Variants in CASK observed in about 807,000 individuals in gnomAD.
CASK encodes peripheral plasma membrane protein CASK.
A neutral mutation model predicts 82.9 loss-of-function variants in CASK; 4 were observed. The observed-to-expected ratio is 0.05, with a 90% CI of 0.02 to 0.11. The LOEUF is 0.11. Ranked by LOEUF, CASK falls within the 10% of genes least tolerant of loss-of-function variation. The pLI, the probability that CASK is intolerant of heterozygous loss-of-function variation, is 1.00. For missense variants in CASK, 358 were observed against 720.9 expected, an observed-to-expected ratio of 0.50 and a Z score of 5.76; for synonymous variants, 259 against 253.5, an observed-to-expected ratio of 1.02 and a Z score of -0.20.
intron 11 of CASK, among the ~76,000 whole-genome samples, chrX:41,614,522 ATTT>A (rs200039747): frequency 1.0e-5 from 1 of 98,351 alleles, no homozygotes; most frequent in Non-Finnish European, 2.1e-5. Context: ...ACTATGGATA[ATTT>A]TTTTTTTTTT....
intron 5 of CASK, among the ~76,000 whole-genome samples, chrX:41,720,923 G>C (rs1170663514): frequency 9.0e-6 from 1 of 111,563 alleles, no homozygotes; most frequent in Admixed American, 9.6e-5. Context: ...ATGAATTTTG[G>C]GGCCAGATTA....
intron 8 of CASK, among the ~76,000 whole-genome samples, chrX:41,643,386 T>TGATTCTTCCTATCC (rs2147394777): frequency 8.9e-6 from 1 of 111,893 alleles, no homozygotes. Context: ...TTCATGATAT[T>TGATTCTTCCTATCC]GATTCTTCCT....
At chrX:41,755,004 G>A (rs754272049) in intron 3 of CASK, among the ~76,000 whole-genome samples, 3 of 107,941 alleles carry the variant, frequency 2.8e-5, no homozygotes, top group East Asian at 5.9e-4. Flanking sequence ...TCAGCCTCCT[G>A]AATAGCTGGG....
At chrX:41,672,332 T>G (rs937246866) in intron 5 of CASK, among the ~76,000 whole-genome samples, 10 of 110,827 alleles carry the variant, frequency 9.0e-5, no homozygotes, top group Non-Finnish European at 1.5e-4. Flanking sequence ...TGCATCTATT[T>G]CTTACTGGGA....
chrX:41,720,094 T>C (rs1439228523), intron 5 of CASK, among the ~76,000 whole-genome samples: 2 of 113,482 alleles, frequency 1.8e-5, no homozygotes, highest in African/African-American at 6.4e-5. Flanking sequence ...CAAAAGCTGA[T>C]AACTTTTCTG....
intron 5 of CASK, among the ~76,000 whole-genome samples, chrX:41,714,025 T>C: frequency 8.9e-6 from 1 of 111,852 alleles, no homozygotes; most frequent in Middle Eastern, 4.6e-3. Context: ...GGCAGGTTAA[T>C]CAAGACAAAG....
rs961783740 is a variant in CASK, at chrX:41,519,734, G to A, written c.*686C>T. The A allele has an allele frequency of 4.6e-5, 5 of 109,850 alleles. No homozygotes were observed. Among genetic ancestry groups the A allele is most frequent in the African/African-American group, 1.7e-4 (5 of 30,080 alleles). The allele number at this position is 109,850 out of a possible 1,213,427, so 9.1% of individuals were successfully genotyped here. ...TTGTTTTGTCCAACACAGACACACC[G>A]ACAGCATAAACGCTCGCGACTGTCC... On this transcript the variant is annotated 3_prime_UTR_variant, in exon 27 of 27. Coordinates refer to ENST00000378163, the MANE Select transcript of CASK (RefSeq NM_001367721.1).
intron 21 of CASK, among the ~76,000 whole-genome samples, chrX:41,548,297 A>G (rs983622327): frequency 9.0e-6 from 1 of 111,117 alleles, no homozygotes; most frequent in Non-Finnish European, 1.9e-5. Context: ...TTATCTTTTT[A>G]ATATATTACT....
At chrX:41,763,886 T>C (rs1369949329) in intron 3 of CASK, among the ~76,000 whole-genome samples, 1 of 111,643 alleles carries the variant, frequency 9.0e-6, no homozygotes, top group African/African-American at 3.3e-5. Context: ...ATCTCACAGA[T>C]AATAGGCATA....
At chrX:41,796,773 C>G (rs779748061) in intron 2 of CASK, among the ~76,000 whole-genome samples, 1 of 111,700 alleles carries the variant, frequency 9.0e-6, no homozygotes, top group African/African-American at 3.2e-5. Flanking sequence ...CAAAACCTGT[C>G]CATTCTATTT....
At chrX:41,741,629 A>G (rs2068599290) in intron 4 of CASK, among the ~76,000 whole-genome samples, 2 of 112,053 alleles carry the variant, frequency 1.8e-5, no homozygotes, top group Admixed American at 9.5e-5. Context: ...ACCCAAACGT[A>G]TGTACACAGC....
At chrX:41,592,996 C>T (rs17146071) in intron 12 of CASK, among the ~76,000 whole-genome samples, 2,708 of 111,702 alleles carry the variant, frequency 0.024, 90 homozygotes, top group African/African-American at 0.083. Flanking sequence ...TTTTTTTCCA[C>T]GCCTTTGGTC....
Position 41,517,213 on chromosome X carries a change from C to T in CASK, c.*3207G>A, listed in dbSNP as rs1292339622. ...CCTGCATTTCTACTGCAGTGGGGGA[C>T]TTTGCGACATCTTTAGATATTCTGC... On this transcript the variant is annotated 3_prime_UTR_variant, in exon 27 of 27. Coordinates refer to ENST00000378163, the MANE Select transcript of CASK (RefSeq NM_001367721.1). The T allele has an allele frequency of 8.8e-6, 1 of 113,562 alleles. No homozygotes were observed. Among genetic ancestry groups the T allele is most frequent in the Non-Finnish European group, 1.8e-5 (1 of 54,124 alleles). 9.4% of individuals were successfully genotyped at this position (113,562 alleles called of 1,213,427 possible).
At position 41,517,706 on chromosome X, in the gene CASK, G is replaced by C. The variant is rs993685967; in HGVS notation, c.*2714C>G. The C allele has an allele frequency of 1.9e-6, 1 of 537,509 alleles. No homozygotes were observed. The highest frequency in any genetic ancestry group is 2.6e-5 in the South Asian group (1 of 38,925). The allele number at this position is 537,509 out of a possible 1,213,427, so 44.3% of individuals were successfully genotyped here. ...AAAAAAAGGTTCTGCTGATGGAATG[G>C]AAGCAGTAAAGAAGCTTTTAGCAAT... On this transcript the variant is annotated 3_prime_UTR_variant, in exon 27 of 27. Coordinates refer to ENST00000378163, the MANE Select transcript of CASK (RefSeq NM_001367721.1).
rs572180754 is a variant in CASK, at chrX:41,916,036, G to T, written c.59+6894C>A. ...ACACACGCACACACAAATTAGCCAG[G>T]CGCGGTGGTGCATGCTTGTAATCCC... On this transcript the variant is annotated intron_variant, in intron 1 of 26. Coordinates refer to ENST00000378163, the MANE Select transcript of CASK (RefSeq NM_001367721.1). Among the ~76,000 whole-genome samples the T allele has an allele frequency of 1.0e-4, 11 of 105,908 alleles. No individual in the cohort carries two copies. In the South Asian group the frequency reaches 3.9e-3, roughly 38 times the overall value. 92.0% of individuals were successfully genotyped at this position (105,908 alleles called of 115,157 possible).
rs971993198 is a variant in CASK, at chrX:41,615,076, G to A, written c.1034-5051C>T. 2.7e-5 allele frequency among the ~76,000 whole-genome samples: 3 copies of A among 112,061 alleles called. No individual in the cohort carries two copies. The East Asian group carries it at 8.3e-4, about 31-fold the overall frequency. ...CTGCCTTGAGCTCCCAAAGTGCTGG[G>A]ATTACAGGTGTGAGCCACCATGCCC... On this transcript the variant is annotated intron_variant, in intron 11 of 26. Transcript: ENST00000378163.
At chrX:41,785,568 C>A (rs1323288535) in intron 3 of CASK, among the ~76,000 whole-genome samples, 1 of 112,399 alleles carries the variant, frequency 8.9e-6, no homozygotes, top group Non-Finnish European at 1.9e-5. Context: ...TCTTTTTTCA[C>A]ATAATCACAA....
chrX:41,590,793 CT>C (rs2147234829), intron 12 of CASK, among the ~76,000 whole-genome samples: 2 of 107,354 alleles, frequency 1.9e-5, no homozygotes, highest in South Asian at 8.0e-4. Flanking sequence ...TTTTTTTTTT[CT>C]TCACCTACTC....
At chrX:41,813,922 AG>A (rs2070358734) in intron 2 of CASK, among the ~76,000 whole-genome samples, 2 of 112,190 alleles carry the variant, frequency 1.8e-5, no homozygotes, top group African/African-American at 6.5e-5. Flanking sequence ...CCCATCAAAA[AG>A]TGGGTGAAGG....
Sources: allele counts gnomAD v4.1 joint callset (sites outside exome capture counted in the v4.1 genomes callset), GRCh38; gene constraint gnomAD v4.1.1; transcripts MANE v1.5; gene names NCBI Gene and HGNC (gene_info 2026-07-23, HGNC 2026-07-21).